CSMD2: variants seen among roughly 807,000 people sequenced by gnomAD.
CSMD2 encodes the protein CUB and sushi domain-containing protein 2.
CSMD2 carries 130 observed loss-of-function variants against 398.5 expected under a neutral mutation model. That is an observed-to-expected ratio of 0.33 (90% CI 0.28 to 0.38). The LOEUF (loss-of-function observed/expected upper bound fraction) is 0.38. Among genes scored for constraint, CSMD2 ranks in the 10% least tolerant of loss-of-function variants. CSMD2 has a pLI of 1.00. For synonymous variants in CSMD2, 1,828 were observed against 1,908.5 expected, an observed-to-expected ratio of 0.96 and a Z score of 1.10; for missense variants, 3,829 against 4,764.9, an observed-to-expected ratio of 0.80 and a Z score of 5.78.
At chr1:34,039,189 C>G (rs556963911) in intron 2 of CSMD2, among the ~76,000 whole-genome samples, 64 of 152,248 alleles carry the variant, frequency 4.2e-4, no homozygotes, top group Non-Finnish European at 7.3e-4. Context: ...TGGAACAGCA[C>G]CTCCCACCCC....
chr1:33,992,673 C>G (rs1442900949), intron 3 of CSMD2, among the ~76,000 whole-genome samples: 1 of 151,044 alleles, frequency 6.6e-6, no homozygotes, highest in Admixed American at 6.6e-5. Flanking sequence ...TCGAGACCAT[C>G]CTGGCTAGCA....
intron 52 of CSMD2, among the ~76,000 whole-genome samples, chr1:33,569,149 G>C (rs2148684728): frequency 6.6e-6 from 1 of 152,292 alleles, no homozygotes; most frequent in South Asian, 2.1e-4. Context: ...CCCCTCAAAA[G>C]CTTGTCTCTT....
intron 1 of CSMD2, among the ~76,000 whole-genome samples, chr1:34,115,396 T>C (rs1265396667): frequency 6.6e-6 from 1 of 152,098 alleles, no homozygotes; most frequent in East Asian, 1.9e-4. Flanking sequence ...TATCAGCAGA[T>C]TTCTCAGCAT....
chr1:33,862,353 G>GTGTGTGTC (rs1385360531), intron 5 of CSMD2: 1 of 131,290 alleles, frequency 7.6e-6, no homozygotes, highest in Non-Finnish European at 1.6e-5. Flanking sequence ...CTGTGTGTGT[G>GTGTGTGTC]TGTGTGTGTG....
At chr1:33,711,710 A>G (rs1291682860) in intron 21 of CSMD2, among the ~76,000 whole-genome samples, 1 of 152,078 alleles carries the variant, frequency 6.6e-6, no homozygotes, top group African/African-American at 2.4e-5. Flanking sequence ...TCCCTTAAAC[A>G]TGGGCTTGGG....
intron 3 of CSMD2, among the ~76,000 whole-genome samples, chr1:34,015,333 A>AT (rs1263637566): frequency 2.0e-5 from 3 of 152,206 alleles, no homozygotes; most frequent in Non-Finnish European, 4.4e-5. Flanking sequence ...AGCCTCAGAG[A>AT]TATTACAGAG....
At chr1:34,079,069 T>G (rs1431584300) in intron 2 of CSMD2, among the ~76,000 whole-genome samples, 1 of 152,198 alleles carries the variant, frequency 6.6e-6, no homozygotes, top group Non-Finnish European at 1.5e-5. Flanking sequence ...CAGTGCATTT[T>G]CCACACTGCC....
chr1:33,858,639 A>G (rs1415615682), intron 5 of CSMD2, among the ~76,000 whole-genome samples: 1 of 152,204 alleles, frequency 6.6e-6, no homozygotes, highest in African/African-American at 2.4e-5. Flanking sequence ...GTCAGTGCCA[A>G]AGAGCCTTGG....
Position 34,128,924 on chromosome 1 carries a change from G to A in CSMD2, c.187+35987C>T, listed in dbSNP as rs1047932646. ...AGATGCTCACAACTGCCCAAGTCCTGGCATGCAGAATTCACACCTGTGCAC... is the reference window on the plus strand; with the variant it reads ...AGATGCTCACAACTGCCCAAGTCCTAGCATGCAGAATTCACACCTGTGCAC... On this transcript the variant is annotated intron_variant, in intron 1 of 70. Coordinates refer to ENST00000373381, the MANE Select transcript of CSMD2 (RefSeq NM_001281956.2). Among the ~76,000 whole-genome samples the A allele has an allele frequency of 7.9e-5, 12 of 152,162 alleles. No homozygotes were observed. In the East Asian group the frequency reaches 1.9e-3, roughly 25 times the overall value.
rs538700303 is a variant in CSMD2 at position 33,836,517 on chromosome 1, C to T, written c.1033+10367G>A. Among the ~76,000 whole-genome samples, 11 of 152,330 alleles carry T rather than the reference C, an allele frequency of 7.2e-5. No individual in the cohort carries two copies. In the East Asian group the frequency reaches 1.9e-3, roughly 27 times the overall value. On this transcript the variant is annotated intron_variant, in intron 6 of 70. Coordinates refer to ENST00000373381, the MANE Select transcript of CSMD2 (RefSeq NM_001281956.2). ...GAGTTGTGGTGGGCTTCACCCAGTT[C>T]GAGCTTCCCAGCCGCTTTGTTTACC...
In CSMD2 at chr1:33,519,260, C is replaced by G. The variant is rs1404865301; in HGVS notation, c.*53+205G>C. ...TAATGGGGCTCCCACAAGCTTCTACCTCACAGGGCGTGCAGGGATTCAATA... is the reference window on the plus strand; with the variant it reads ...TAATGGGGCTCCCACAAGCTTCTACGTCACAGGGCGTGCAGGGATTCAATA... On this transcript the variant is annotated intron_variant, in intron 70 of 70. Transcript: ENST00000373381. This position sits in a 1 kb window ranked among gnomAD's most constrained non-coding sequence, Gnocchi z 5.6. Among the ~76,000 whole-genome samples the G allele has an allele frequency of 6.6e-6, 1 of 152,234 alleles. No homozygotes were observed. The highest frequency in any genetic ancestry group is 1.5e-5 in the Non-Finnish European group (1 of 68,034).
At chr1:34,064,253 T>G (rs1288009317) in intron 2 of CSMD2, among the ~76,000 whole-genome samples, 1 of 152,210 alleles carries the variant, frequency 6.6e-6, no homozygotes, top group Non-Finnish European at 1.5e-5. Flanking sequence ...CCTCAAAAAA[T>G]GGGTTTTTCT....
At chr1:33,598,234 A>G (rs1225863810) in intron 44 of CSMD2, among the ~76,000 whole-genome samples, 2 of 152,216 alleles carry the variant, frequency 1.3e-5, no homozygotes, top group African/African-American at 2.4e-5. Flanking sequence ...CATACATGTT[A>G]CATACATTTT....
At chr1:33,703,688 A>T (rs1645684648) in intron 22 of CSMD2, among the ~76,000 whole-genome samples, 3 of 152,224 alleles carry the variant, frequency 2.0e-5, no homozygotes, top group Non-Finnish European at 4.4e-5. Flanking sequence ...TCTCTAGAGC[A>T]TACATCTAGC....
At chr1:34,028,829 C>G (rs563019964) in intron 3 of CSMD2, among the ~76,000 whole-genome samples, 1 of 152,210 alleles carries the variant, frequency 6.6e-6, no homozygotes, top group Non-Finnish European at 1.5e-5. Context: ...CTCTTGCCCC[C>G]GGGGATTACA....
rs982508219 is a variant in CSMD2, at chr1:33,559,066, T to C, written c.8554+234A>G. Among the ~76,000 whole-genome samples, 1 of 152,240 alleles carries C rather than the reference T, an allele frequency of 6.6e-6. No homozygotes were observed. The highest frequency in any genetic ancestry group is 1.5e-5 in the Non-Finnish European group (1 of 68,046). On this transcript the variant is annotated intron_variant, in intron 54 of 70. Coordinates refer to ENST00000373381, the MANE Select transcript of CSMD2 (RefSeq NM_001281956.2). This position sits in a 1 kb window ranked among gnomAD's most constrained non-coding sequence, Gnocchi z 4.0. ...TTCAATGAAAGGTAAAAAAGACGACTTGAAAGATAAAACTTAAGTTTTGCT... is the reference window on the plus strand; with the variant it reads ...TTCAATGAAAGGTAAAAAAGACGACCTGAAAGATAAAACTTAAGTTTTGCT...
chr1:33,960,635 T>A (rs571838223), intron 3 of CSMD2, among the ~76,000 whole-genome samples: 1 of 152,132 alleles, frequency 6.6e-6, no homozygotes, highest in Admixed American at 6.5e-5. Flanking sequence ...CCAGGCACCA[T>A]GGAAGCCCAG....
At chr1:33,958,862 G>A (rs1027286038) in intron 3 of CSMD2, among the ~76,000 whole-genome samples, 1 of 152,188 alleles carries the variant, frequency 6.6e-6, no homozygotes, top group African/African-American at 2.4e-5. Flanking sequence ...TGCTATGTGC[G>A]TGGTGATTTT....
chr1:34,017,196 A>G (rs768234538), intron 3 of CSMD2, among the ~76,000 whole-genome samples: 4 of 152,308 alleles, frequency 2.6e-5, no homozygotes, highest in Non-Finnish European at 2.9e-5. Flanking sequence ...GCCTACTCCA[A>G]TTTAGGGTAA....
Sources: allele counts gnomAD v4.1 joint callset (sites outside exome capture counted in the v4.1 genomes callset), GRCh38; gene constraint gnomAD v4.1.1; non-coding constraint Gnocchi (gnomAD v3.1); transcripts MANE v1.5; gene names NCBI Gene and HGNC (gene_info 2026-07-23, HGNC 2026-07-21).